SV2C: variants seen among roughly 807,000 people sequenced by gnomAD.
SV2C encodes synaptic vesicle glycoprotein 2C.
SV2C carries 49 observed loss-of-function variants against 79.7 expected under a neutral mutation model. That is an observed-to-expected ratio of 0.61 (90% CI 0.49 to 0.78). SV2C has a LOEUF of 0.78. Ranked by LOEUF, SV2C falls within the 30% of genes least tolerant of loss-of-function variation. The pLI is 0.00. For synonymous variants in SV2C, 334 were observed against 333.2 expected (o/e 1.00, Z -0.03); for missense variants, 833 against 912.9 (o/e 0.91, Z 1.13).
chr5:76,236,645 C>G (rs115650578), intron 4 of SV2C, among the ~76,000 whole-genome samples: 1 of 151,988 alleles, frequency 6.6e-6, no homozygotes, highest in Admixed American at 6.6e-5. Context: ...CAGCTCTTAT[C>G]GGAACAAATA....
intron 4 of SV2C, among the ~76,000 whole-genome samples, chr5:76,228,037 GTTCT>G (rs989620266): frequency 2.6e-5 from 4 of 151,696 alleles, no homozygotes; most frequent in Non-Finnish European, 5.9e-5. Flanking sequence ...GGCTTCTGGG[GTTCT>G]TTCTCTCTAT....
the SV2C span, among the ~76,000 whole-genome samples, chr5:76,029,349 G>T: frequency 2.0e-5 from 3 of 152,134 alleles, no homozygotes; most frequent in African/African-American, 7.2e-5. Flanking sequence ...AACTGAAAAT[G>T]TTGTGTTCTT....
Position 76,125,135 on chromosome 5 carries a change from G to A in SV2C, c.-101-6515G>A, listed in dbSNP as rs143986120. Among the ~76,000 whole-genome samples the A allele has an allele frequency of 3.0e-3, 451 of 152,176 alleles. 1 individual carries two copies. The highest frequency in any genetic ancestry group is 0.01 in the African/African-American group (432 of 41,506). ...GTGTCAAAATTGCATAAAAATGAACGTTAATATACTTAAAATTAAAATTTC... is the reference window on the plus strand; with the variant it reads ...GTGTCAAAATTGCATAAAAATGAACATTAATATACTTAAAATTAAAATTTC... On this transcript the variant is annotated intron_variant, in intron 1 of 12. Coordinates refer to ENST00000502798, the MANE Select transcript of SV2C (RefSeq NM_014979.4).
chr5:75,971,151 A>G, the SV2C span, among the ~76,000 whole-genome samples: 14 of 152,238 alleles, frequency 9.2e-5, no homozygotes, highest in African/African-American at 3.4e-4. Flanking sequence ...CTCTCAATAA[A>G]TTAGGTATTG....
chr5:76,205,148 C>CGTGT (rs3073534), intron 3 of SV2C, among the ~76,000 whole-genome samples: 1,875 of 149,070 alleles, frequency 0.013, 22 homozygotes, highest in Non-Finnish European at 0.015. Flanking sequence ...AGGTGTTGTG[C>CGTGT]GTGTGTGTGT....
intron 4 of SV2C, among the ~76,000 whole-genome samples, chr5:76,218,423 C>T (rs1425849292): frequency 6.6e-6 from 1 of 152,140 alleles, no homozygotes; most frequent in African/African-American, 2.4e-5. Flanking sequence ...TACTATGCAG[C>T]CATAAAAAAT....
At chr5:76,183,837 C>A (rs554219980) in intron 2 of SV2C, among the ~76,000 whole-genome samples, 1 of 152,300 alleles carries the variant, frequency 6.6e-6, no homozygotes, top group South Asian at 2.1e-4. Context: ...GCTTCTCATT[C>A]ATTATTCAAA....
chr5:75,914,235 C>T, the SV2C span, among the ~76,000 whole-genome samples: 4 of 151,370 alleles, frequency 2.6e-5, no homozygotes, highest in Admixed American at 1.3e-4. Flanking sequence ...TTTATAGCTG[C>T]CTTCCCCACA....
the SV2C span, among the ~76,000 whole-genome samples, chr5:76,073,666 T>C: frequency 2.0e-5 from 3 of 151,294 alleles, no homozygotes; most frequent in Admixed American, 1.3e-4. Context: ...CCAAACATCA[T>C]ATGTTGTTAC....
the SV2C span, among the ~76,000 whole-genome samples, chr5:76,044,176 C>T: frequency 6.6e-6 from 1 of 152,138 alleles, no homozygotes; most frequent in African/African-American, 2.4e-5. Flanking sequence ...TTTTCTGTTC[C>T]TGCATTAGTT....
chr5:76,022,736 T>A, the SV2C span, among the ~76,000 whole-genome samples: 9 of 152,244 alleles, frequency 5.9e-5, no homozygotes, highest in African/African-American at 2.2e-4. Flanking sequence ...TAGAATCACA[T>A]ATAAAATAAT....
chr5:75,904,746 C>T, the SV2C span, among the ~76,000 whole-genome samples: 7 of 152,190 alleles, frequency 4.6e-5, no homozygotes, highest in Non-Finnish European at 4.4e-5. Context: ...TAGACATAGG[C>T]AGCACTAATG....
At chr5:76,334,002 C>A (rs1397915672), downstream of SV2C, 1 of 151,628 alleles carries the variant, frequency 6.6e-6, no homozygotes, top group Non-Finnish European at 1.5e-5. Flanking sequence ...ATTGACCCTT[C>A]AAAAAATGAG....
rs185794489 is a variant in SV2C at position 76,119,363 on chromosome 5, A to C, written c.-101-12287A>C. On this transcript the variant is annotated intron_variant, in intron 1 of 12. Coordinates refer to ENST00000502798, the MANE Select transcript of SV2C (RefSeq NM_014979.4). ...GTTGGATAACAAATGACTGACTTCAAAAGAAAGAAGAAAAACATCTCAGAT... is the reference window on the plus strand; with the variant it reads ...GTTGGATAACAAATGACTGACTTCACAAGAAAGAAGAAAAACATCTCAGAT... Among the ~76,000 whole-genome samples, 3 of 152,014 alleles carry C rather than the reference A, an allele frequency of 2.0e-5. No homozygotes were observed. In the East Asian group the frequency reaches 5.8e-4, roughly 29 times the overall value.
chr5:76,111,393 T>C (rs1370350817), intron 1 of SV2C, among the ~76,000 whole-genome samples: 1 of 152,222 alleles, frequency 6.6e-6, no homozygotes, highest in Non-Finnish European at 1.5e-5. Context: ...TGAATATTTT[T>C]AAATAATTCA....
the SV2C span, among the ~76,000 whole-genome samples, chr5:76,033,623 C>G: frequency 3.7e-3 from 562 of 152,224 alleles, 2 homozygotes; most frequent in African/African-American, 0.013. Flanking sequence ...GTTTTGGTAC[C>G]AGTACCATGC....
chr5:75,876,466 G>T, the SV2C span, among the ~76,000 whole-genome samples: 1 of 151,942 alleles, frequency 6.6e-6, no homozygotes, highest in Non-Finnish European at 1.5e-5. Context: ...ATGACTATTG[G>T]GTACTGGGCT....
At chr5:76,286,978 G>A (rs139294584) in intron 6 of SV2C, among the ~76,000 whole-genome samples, 310 of 152,274 alleles carry the variant, frequency 2.0e-3, no homozygotes, top group African/African-American at 7.1e-3. Context: ...TGAGATCTGG[G>A]TGGGGACACG....
chr5:76,107,366 A>G (rs1215884314), intron 1 of SV2C, among the ~76,000 whole-genome samples: 1 of 152,214 alleles, frequency 6.6e-6, no homozygotes, highest in African/African-American at 2.4e-5. Context: ...CTGACCTACA[A>G]TATACCTCAC....
Sources: gnomAD v4.1 joint callset for allele counts (sites outside exome capture counted in the v4.1 genomes callset) on GRCh38, gnomAD v4.1.1 for gene constraint, MANE v1.5 for transcripts, NCBI Gene and HGNC (gene_info 2026-07-23, HGNC 2026-07-21) for gene names.